The following RASL12 variants were observed in gnomAD, a reference collection of about 807,000 sequenced individuals.
RASL12 encodes ras-like protein family member 12.
A neutral mutation model predicts 22.9 loss-of-function variants in RASL12; 16 were observed. The observed-to-expected ratio is 0.70, with a 90% CI of 0.47 to 1.06. The LOEUF (loss-of-function observed/expected upper bound fraction) is 1.06, where lower values mean the gene tolerates loss of function less well. Among genes scored for constraint, RASL12 ranks in the 50% least tolerant of loss-of-function variants. The pLI is 0.00. For missense variants in RASL12, 306 were observed against 353.1 expected, an observed-to-expected ratio of 0.87 and a Z score of 1.07; for synonymous variants, 159 against 152.2, an observed-to-expected ratio of 1.04 and a Z score of -0.33.
intron 1 of RASL12, among the ~76,000 whole-genome samples, chr15:65,065,787 G>A (rs1330648081): frequency 6.6e-6 from 1 of 152,154 alleles, no homozygotes; most frequent in Non-Finnish European, 1.5e-5. Context: ...TAAGGTCCAG[G>A]TGAGGTCTGT....
chr15:65,063,534 T>G (rs922671225), intron 2 of RASL12, among the ~76,000 whole-genome samples: 12 of 152,194 alleles, frequency 7.9e-5, no homozygotes, highest in African/African-American at 2.9e-4. Context: ...CTTCAGCTCC[T>G]TGGGCCTGTT....
At position 65,067,951 on chromosome 15, in the gene RASL12, C is replaced by T. The variant is rs570875216; in HGVS notation, c.-116G>A. The T allele has an allele frequency of 5.0e-6, 6 of 1,199,348 alleles. No individual in the cohort carries two copies. In the African/African-American group the frequency reaches 7.9e-5, roughly 16 times the overall value. 74.3% of individuals were successfully genotyped at this position (1,199,348 alleles called of 1,614,324 possible). The stretch of plus-strand genomic sequence containing the variant: ...CTTCCCTGGAGCGCGCGGCCCCGGA[C>T]CCGTCGGCGTCCGCGCCCTCGGCCC... On this transcript the variant is annotated 5_prime_UTR_variant, in exon 1 of 5. Transcript: ENST00000220062.
chr15:65,065,379 C>T (rs2086864558), intron 1 of RASL12, 106 bp from the exon 2 acceptor site: 2 of 998,218 alleles, frequency 2.0e-6, no homozygotes, highest in Non-Finnish European at 3.0e-6. Flanking sequence ...CCGGCTGACA[C>T]CAAGCTCAGC....
chr15:65,047,952 G>A, the RASL12 span, among the ~76,000 whole-genome samples: 1 of 152,168 alleles, frequency 6.6e-6, no homozygotes, highest in Admixed American at 6.5e-5. Flanking sequence ...GCCGAGGCGA[G>A]TGGATTACCT....
At chr15:65,052,968 A>G (rs1192148192), downstream of RASL12, 1 of 1,424,526 alleles carries the variant, frequency 7.0e-7, no homozygotes, top group Non-Finnish European at 9.5e-7. Context: ...CCCCCCAGAA[A>G]AGAAAAGATG....
At chr15:65,072,657 T>C (rs1333584075), upstream of RASL12, among the ~76,000 whole-genome samples, 2 of 152,136 alleles carry the variant, frequency 1.3e-5, no homozygotes, top group Non-Finnish European at 2.9e-5. Flanking sequence ...GACCCATAGT[T>C]TTAGCTGGTC....
the RASL12 span, among the ~76,000 whole-genome samples, chr15:65,048,053 C>A: frequency 6.6e-6 from 1 of 152,094 alleles, no homozygotes; most frequent in Non-Finnish European, 1.5e-5. Flanking sequence ...GTGGCATGCC[C>A]TGTAGTCCCA....
At chr15:65,052,873 A>C, downstream of RASL12, 1 of 1,176,302 alleles carries the variant, frequency 8.5e-7, no homozygotes, top group Non-Finnish European at 1.2e-6. Flanking sequence ...TGCATAGAGA[A>C]TTTTCCCCTT....
chr15:65,059,078 G>A (rs758626559), intron 3 of RASL12, among the ~76,000 whole-genome samples: 2 of 152,224 alleles, frequency 1.3e-5, no homozygotes, highest in African/African-American at 2.4e-5. Context: ...CTGTCTCCTC[G>A]TGTGCACAGG....
chr15:65,054,637 G>T lies in RASL12; in HGVS notation c.*262C>A. On this transcript the variant is annotated 3_prime_UTR_variant, in exon 5 of 5. Transcript: ENST00000220062. Reference sequence around the variant, plus strand: ...TCTTCCTACTTAAGGCTGACCCCAGGTCTCTGGGTTGTCACAGTGGCTGTT... The same window carrying T: ...TCTTCCTACTTAAGGCTGACCCCAGTTCTCTGGGTTGTCACAGTGGCTGTT... 1 of 1,349,190 alleles carries T rather than the reference G, an allele frequency of 7.4e-7. No individual in the cohort carries two copies. Among genetic ancestry groups the T allele is most frequent in the Non-Finnish European group, 9.5e-7 (1 of 1,049,144 alleles). 83.6% of individuals were successfully genotyped at this position (1,349,190 alleles called of 1,614,324 possible). A position where few individuals can be genotyped will look rare whatever the true frequency, so the allele number is the denominator to read the frequency against.
Position 65,054,692 on chromosome 15 carries a change from C to A in RASL12, c.*207G>T, listed in dbSNP as rs1478910202. On this transcript the variant is annotated 3_prime_UTR_variant, in exon 5 of 5. Transcript: ENST00000220062. ...TCTACGGCCACAGACGCGGTGGTTA[C>A]CATGAAGACCAAGGCCTGGAGGGAA... 3.3e-5 allele frequency: 46 copies of A among 1,399,632 alleles called. No homozygotes were observed. Among genetic ancestry groups the A allele is most frequent in the Non-Finnish European group, 4.2e-5 (45 of 1,079,246 alleles). The allele number at this position is 1,399,632 out of a possible 1,614,324, so 86.7% of individuals were successfully genotyped here.
chr15:65,054,550 C>T lies in RASL12; in HGVS notation c.*349G>A. On this transcript the variant is annotated 3_prime_UTR_variant, in exon 5 of 5. Transcript: ENST00000220062. ...CCACCCAGACCATCCACTAAGGCCA[C>T]AGCTGGCCCAACTGTAGCTGGAGCA... 1 of 1,079,494 alleles carries T rather than the reference C, an allele frequency of 9.3e-7. No individual in the cohort carries two copies. Among genetic ancestry groups the T allele is most frequent in the Non-Finnish European group, 1.1e-6 (1 of 888,302 alleles). The allele number at this position is 1,079,494 out of a possible 1,614,324, so 66.9% of individuals were successfully genotyped here.
Position 65,053,482 on chromosome 15 carries a change from T to C in RASL12, c.*1417A>G, listed in dbSNP as rs933710260. The C allele has an allele frequency of 1.2e-5, 14 of 1,140,956 alleles. No individual in the cohort carries two copies. Among genetic ancestry groups the C allele is most frequent in the Middle Eastern group, 3.9e-4 (1 of 2,594 alleles). 70.7% of individuals were successfully genotyped at this position (1,140,956 alleles called of 1,614,324 possible). On this transcript the variant is annotated 3_prime_UTR_variant, in exon 5 of 5. Transcript: ENST00000220062. ...AAGTGCAAAATCCGTAGCTGGCCTG[T>C]GGGTCGGGAAGCCTGTAGGACTGCA...
chr15:65,053,756 T>C lies in RASL12; in HGVS notation c.*1143A>G, dbSNP rs1248140335. ...GACTTCCCTGGGACCTGGCGTGTGG[T>C]AAACAAAATCAGACAACTACCACAC... On this transcript the variant is annotated 3_prime_UTR_variant, in exon 5 of 5. Transcript: ENST00000220062. The C allele has an allele frequency of 1.0e-5, 10 of 986,250 alleles. No homozygotes were observed. Among genetic ancestry groups the C allele is most frequent in the Non-Finnish European group, 1.2e-5 (10 of 830,434 alleles). 61.1% of individuals were successfully genotyped at this position (986,250 alleles called of 1,614,324 possible).
chr15:65,072,843 G>A (rs1466993503), upstream of RASL12, among the ~76,000 whole-genome samples: 1 of 152,120 alleles, frequency 6.6e-6, no homozygotes, highest in Admixed American at 6.6e-5. Context: ...TGACTGCCCA[G>A]CATTTGTAGC....
Position 65,067,950 on chromosome 15 carries a change from A to C in RASL12, c.-115T>G, listed in dbSNP as rs2140534891. On this transcript the variant is annotated 5_prime_UTR_variant, in exon 1 of 5. Coordinates refer to ENST00000220062, the MANE Select transcript of RASL12 (RefSeq NM_016563.4). ...GCTTCCCTGGAGCGCGCGGCCCCGG[A>C]CCCGTCGGCGTCCGCGCCCTCGGCC... 1 of 1,199,730 alleles carries C rather than the reference A, an allele frequency of 8.3e-7. No individual in the cohort carries two copies. The highest frequency in any genetic ancestry group is 1.0e-6 in the Non-Finnish European group (1 of 967,588). 74.3% of individuals were successfully genotyped at this position (1,199,730 alleles called of 1,614,324 possible). A position where few individuals can be genotyped will look rare whatever the true frequency, so the allele number is the denominator to read the frequency against.
At position 65,058,448 on chromosome 15, in the gene RASL12, T is replaced by A; in HGVS notation, c.404A>T (p.Lys135Met). The A allele has an allele frequency of 6.4e-7, 1 of 1,574,578 alleles. No homozygotes were observed. Among genetic ancestry groups the A allele is most frequent in the South Asian group, 1.2e-5 (1 of 85,838 alleles). ...TCACCTGTACTGAGCCATGTCCAGC[T>A]TGTTGCCCAGCAGCAGGGCAGGGAT... is the stretch of plus-strand genomic sequence containing the variant. The part of the protein sequence containing the change: ...RSIPALLLGN[K>M]LDMAQYRQVT... The change falls in exon 4 of 5, where the codon AAG becomes ATG. Residue 135 changes from lysine to methionine, a missense_variant. Physicochemically the swap from Lys to Met is moderately conservative, Grantham distance 95. Coordinates refer to ENST00000220062, the MANE Select transcript of RASL12 (RefSeq NM_016563.4).
At chr15:65,069,794 G>A (rs1006209598), upstream of RASL12, among the ~76,000 whole-genome samples, 1 of 152,176 alleles carries the variant, frequency 6.6e-6, no homozygotes, top group Non-Finnish European at 1.5e-5. Context: ...TTCATGACTC[G>A]AATGTTGCAG....
rs992888558 is a variant in RASL12 at position 65,059,088 on chromosome 15, G to A, written c.234+257C>T. Among the ~76,000 whole-genome samples the A allele has an allele frequency of 8.5e-5, 13 of 152,342 alleles. No homozygotes were observed. The East Asian group carries it at 1.4e-3, about 16-fold the overall frequency. On this transcript the variant is annotated intron_variant, in intron 3 of 4. Coordinates refer to ENST00000220062, the MANE Select transcript of RASL12 (RefSeq NM_016563.4). ...TGCACCTGTCTCCTCGTGTGCACAG[G>A]CACAGAGCCCCACAGCACAGGATCT...
Sources: allele counts gnomAD v4.1 joint callset (sites outside exome capture counted in the v4.1 genomes callset), GRCh38; gene constraint gnomAD v4.1.1; transcripts MANE v1.5; gene names NCBI Gene and HGNC (gene_info 2026-07-23, HGNC 2026-07-21).